Variants in SGIP1 observed in about 807,000 individuals in gnomAD.
The protein encoded by SGIP1 is SH3-containing GRB2-like protein 3-interacting protein 1.
A neutral mutation model predicts 107.5 loss-of-function variants in SGIP1; 38 were observed. The ratio of observed to expected loss-of-function variants is 0.35; its 90% confidence interval spans 0.27 to 0.46. The LOEUF (loss-of-function observed/expected upper bound fraction) is 0.46. SGIP1 is among the 20% of genes least tolerant of loss of function. SGIP1 has a pLI of 1.00. For missense variants in SGIP1, 929 were observed against 1,019.5 expected (o/e 0.91, Z 1.21); for synonymous variants, 365 against 366.1 (o/e 1.00, Z 0.03).
Position 66,569,219 on chromosome 1 carries a change from CT to C in SGIP1, c.10+34858del, listed in dbSNP as rs939036173. Among the ~76,000 whole-genome samples the C allele has an allele frequency of 1.3e-4, 20 of 151,938 alleles. 1 individual carries two copies. In the South Asian group the frequency reaches 1.9e-3, roughly 14 times the overall value. On this transcript the variant is annotated intron_variant, in intron 1 of 24. Transcript: ENST00000371037. Reference sequence around the variant, plus strand: ...TTTCAATGTGTATCTCTTTTATTTCCTTTTTTTGTCTTATTGCATTAGAAAG... The same window carrying C: ...TTTCAATGTGTATCTCTTTTATTTCCTTTTTTGTCTTATTGCATTAGAAAG...
chr1:66,617,506 A>T (rs1410759528), intron 1 of SGIP1, among the ~76,000 whole-genome samples: 2 of 152,264 alleles, frequency 1.3e-5, no homozygotes, highest in Non-Finnish European at 2.9e-5. Flanking sequence ...GAAAAGATAT[A>T]GCCAGTCTAG....
At chr1:66,586,513 C>T (rs1229578911) in intron 1 of SGIP1, among the ~76,000 whole-genome samples, 2 of 152,040 alleles carry the variant, frequency 1.3e-5, no homozygotes, top group African/African-American at 2.4e-5. Context: ...CTAGATATTA[C>T]ATCATATTTA....
intron 1 of SGIP1, among the ~76,000 whole-genome samples, chr1:66,583,727 C>T (rs2062150046): frequency 6.6e-6 from 1 of 152,110 alleles, no homozygotes; most frequent in Admixed American, 6.6e-5. Flanking sequence ...ACTCCTTAGT[C>T]ACTTCGTATT....
At position 66,749,980 on chromosome 1, in the gene SGIP1, C is replaced by T. The variant is rs113981904; in HGVS notation, c.*6885C>T. Reference sequence around the variant, plus strand: ...TGGACATACATGAAAGAGATTGGCTCCTATCTAATTCATATTCTCTCTCTC... The same window carrying T: ...TGGACATACATGAAAGAGATTGGCTTCTATCTAATTCATATTCTCTCTCTC... On this transcript the variant is annotated 3_prime_UTR_variant, in exon 25 of 25. Transcript: ENST00000371037. Among the ~76,000 whole-genome samples, 1,336 of 151,032 alleles carry T rather than the reference C, an allele frequency of 8.8e-3. 18 individuals carry two copies. The highest frequency in any genetic ancestry group is 0.017 in the Middle Eastern group (5 of 292).
intron 8 of SGIP1, 102 bp from the exon 9 acceptor site, chr1:66,667,428 T>C (rs11208941): frequency 0.17 from 181,394 of 1,071,466 alleles, 21,268 homozygotes; most frequent in East Asian, 0.49. Flanking sequence ...GGAGTGTATG[T>C]TTGGTTAGCT....
At chr1:66,614,759 T>C (rs925320406) in intron 1 of SGIP1, among the ~76,000 whole-genome samples, 10 of 150,930 alleles carry the variant, frequency 6.6e-5, no homozygotes, top group Non-Finnish European at 1.3e-4. Flanking sequence ...CTCCACATGG[T>C]AGGTTAGAAT....
At chr1:66,713,180 A>C (rs563018327) in intron 18 of SGIP1, among the ~76,000 whole-genome samples, 10 of 152,090 alleles carry the variant, frequency 6.6e-5, no homozygotes, top group Admixed American at 2.0e-4. Context: ...TGAAACCTCC[A>C]TTTTCTCATC....
intron 1 of SGIP1, among the ~76,000 whole-genome samples, chr1:66,601,329 C>A (rs547505562): frequency 6.6e-6 from 1 of 152,282 alleles, no homozygotes; most frequent in South Asian, 2.1e-4. Flanking sequence ...CGCGCCACTG[C>A]ACTCCAGCCT....
intron 1 of SGIP1, among the ~76,000 whole-genome samples, chr1:66,584,461 A>T (rs10127497): frequency 0.19 from 28,496 of 151,890 alleles, 3,130 homozygotes; most frequent in African/African-American, 0.31. Context: ...AAATCCTCTA[A>T]CCCATGTTAA....
At chr1:66,686,943 T>G (rs1457276068) in intron 15 of SGIP1, among the ~76,000 whole-genome samples, 1 of 152,210 alleles carries the variant, frequency 6.6e-6, no homozygotes, top group Non-Finnish European at 1.5e-5. Flanking sequence ...GCATTTTCAA[T>G]TAGTTACAAA....
intron 4 of SGIP1, among the ~76,000 whole-genome samples, chr1:66,638,684 A>C (rs2076237392): frequency 6.6e-6 from 1 of 152,214 alleles, no homozygotes; most frequent in Admixed American, 6.5e-5. Context: ...ACTGTTATTC[A>C]ATGATAACGA....
At chr1:66,695,089 G>A (rs2090607716) in intron 17 of SGIP1, 1 of 427,816 alleles carries the variant, frequency 2.3e-6, no homozygotes. Flanking sequence ...AGCAATTGCT[G>A]AATGACAGTT....
rs111965207 is a variant in SGIP1 at position 66,718,321 on chromosome 1, CA to C, written c.1631-963del. On this transcript the variant is annotated intron_variant, in intron 18 of 24. Transcript: ENST00000371037. ...CAATACCATGCCTAGAGATCAATAA[CA>C]AAAAAAAAATCTTAAATGTTGATAC... Among the ~76,000 whole-genome samples the C allele has an allele frequency of 2.9e-3, 424 of 147,290 alleles. 2 individuals are homozygous for C. Among genetic ancestry groups the C allele is most frequent in the African/African-American group, 1.0e-2 (401 of 40,280 alleles).
intron 3 of SGIP1, 91 bp from the exon 4 acceptor site, chr1:66,635,853 T>G: frequency 7.5e-7 from 1 of 1,329,686 alleles, no homozygotes; most frequent in Non-Finnish European, 1.1e-6. Flanking sequence ...CTATGGTATG[T>G]TTGCTGACTC....
At chr1:66,740,149 G>A (rs529487585) in intron 22 of SGIP1, among the ~76,000 whole-genome samples, 1 of 152,268 alleles carries the variant, frequency 6.6e-6, no homozygotes, top group African/African-American at 2.4e-5. Context: ...TCATTTTGTA[G>A]CCTCTGAACT....
chr1:66,704,317 A>C (rs539604821), intron 18 of SGIP1: 1 of 152,202 alleles, frequency 6.6e-6, no homozygotes, highest in Admixed American at 6.5e-5. Flanking sequence ...GGAGCAAGAC[A>C]ATGATTTGGA....
chr1:66,580,250 C>T (rs778420559), intron 1 of SGIP1, among the ~76,000 whole-genome samples: 1 of 152,152 alleles, frequency 6.6e-6, no homozygotes, highest in Admixed American at 6.6e-5. Context: ...CCTAAGGCCC[C>T]ACTACAACTC....
chr1:66,689,094 C>A (rs1002055013), intron 15 of SGIP1, 54 bp from the exon 16 acceptor site: 3 of 1,549,766 alleles, frequency 1.9e-6, no homozygotes, highest in Non-Finnish European at 1.7e-6. Flanking sequence ...ACTGTGATAA[C>A]AGCGCTTTGG....
At chr1:66,612,414 G>T (rs2068221088) in intron 1 of SGIP1, among the ~76,000 whole-genome samples, 1 of 152,210 alleles carries the variant, frequency 6.6e-6, no homozygotes, top group African/African-American at 2.4e-5. Context: ...CTGTTGGATG[G>T]TTTGTGAAGA....
Sources: allele counts gnomAD v4.1 joint callset (sites outside exome capture counted in the v4.1 genomes callset), GRCh38; gene constraint gnomAD v4.1.1; transcripts MANE v1.5; gene names NCBI Gene and HGNC (gene_info 2026-07-23, HGNC 2026-07-21).